BOK: variants seen among roughly 807,000 people sequenced by gnomAD.
BOK encodes BCL2 family apoptosis regulator BOK.
A neutral mutation model predicts 18.3 loss-of-function variants in BOK; 20 were observed. The ratio of observed to expected loss-of-function variants is 1.09; its 90% CI spans 0.77 to 1.59. The LOEUF is 1.59. Among genes scored for constraint, BOK ranks in the 40% most tolerant of loss-of-function variants. The probability of loss-of-function intolerance (pLI) is 0.00; values close to 1 mark genes in which losing one functional copy is unlikely to be tolerated. For synonymous variants in BOK, 173 were observed against 142.4 expected (o/e 1.21, Z -1.53); for missense variants, 348 against 307.9 (o/e 1.13, Z -0.97).
At chr2:241,559,344 G>T in intron 1 of BOK, 111 bp from the exon 2 acceptor site, 2 of 553,966 alleles carry the variant, frequency 3.6e-6, no homozygotes, top group South Asian at 1.5e-4. Flanking sequence ...AAACGAGAGC[G>T]GACCCGGCGC....
upstream of BOK, among the ~76,000 whole-genome samples, chr2:241,558,232 G>T (rs1034069969): frequency 6.6e-6 from 1 of 152,212 alleles, no homozygotes; most frequent in African/African-American, 2.4e-5. Context: ...TAATTAATAT[G>T]TAATCAATCA....
chr2:241,567,917 G>GAA (rs2066641211), intron 3 of BOK, among the ~76,000 whole-genome samples: 3 of 77,222 alleles, frequency 3.9e-5, no homozygotes, highest in Admixed American at 1.3e-4. Context: ...CAGAATGCCT[G>GAA]TGCCCGTGGC....
At position 241,570,171 on chromosome 2, in the gene BOK, G is replaced by A; in HGVS notation, c.396G>A (p.Gly132=). Residue 132 remains glycine (G), a synonymous_variant, in exon 4 of 5, where the codon GGG becomes GGA. Transcript: ENST00000318407. ...KVVSLYAVAA[G]LAVDCVRQAQ... is the part of the protein sequence containing the mutation. ...TGTCCCTGTATGCGGTGGCCGCGGGGCTGGCCGTGGACTGTGTGAGGCAGG... is the reference window on the plus strand; with the variant it reads ...TGTCCCTGTATGCGGTGGCCGCGGGACTGGCCGTGGACTGTGTGAGGCAGG... 1 of 1,610,900 alleles carries A rather than the reference G, an allele frequency of 6.2e-7. No individual in the cohort carries two copies. The highest frequency in any genetic ancestry group is 8.5e-7 in the Non-Finnish European group (1 of 1,179,218).
chr2:241,560,267 C>T (rs1489127917), intron 2 of BOK: 1 of 985,110 alleles, frequency 1.0e-6, no homozygotes, highest in East Asian at 1.1e-4. Flanking sequence ...TCTCCAAGGT[C>T]TGGACCCAAG....
rs2066758216 is a variant in BOK, at chr2:241,573,676, G to T, written c.*1254G>T. 6.6e-6 allele frequency: 1 copy of T among 152,298 alleles called. No homozygotes were observed. Among genetic ancestry groups the T allele is most frequent in the Admixed American group, 6.5e-5 (1 of 15,282 alleles). The allele number at this position is 152,298 out of a possible 1,614,324, so 9.4% of individuals were successfully genotyped here. A position where few individuals can be genotyped will look rare whatever the true frequency, so the allele number is the denominator to read the frequency against. On this transcript the variant is annotated 3_prime_UTR_variant, in exon 5 of 5. Transcript: ENST00000318407. The stretch of plus-strand genomic sequence containing the variant: ...GGAATGTTGCATGAGTCGGATCCCA[G>T]TCCATTGTCAGTGGAGGGTGAGGGT...
intron 4 of BOK, among the ~76,000 whole-genome samples, chr2:241,571,939 A>G (rs2066730271): frequency 6.6e-6 from 1 of 152,102 alleles, no homozygotes; most frequent in Admixed American, 6.5e-5. Context: ...CCTGGGGGGC[A>G]GCAGGCAGGT....
chr2:241,557,601 T>G (rs1336693182), upstream of BOK, among the ~76,000 whole-genome samples: 3 of 152,162 alleles, frequency 2.0e-5, no homozygotes, highest in African/African-American at 7.2e-5. Context: ...TCTGAGTCAT[T>G]TCACCTGGCC....
intron 3 of BOK, among the ~76,000 whole-genome samples, chr2:241,563,465 T>C (rs887561365): frequency 1.3e-5 from 2 of 152,198 alleles, no homozygotes; most frequent in Non-Finnish European, 2.9e-5. Context: ...ACCTCCCTGA[T>C]TGGCACATTC....
intron 4 of BOK, among the ~76,000 whole-genome samples, chr2:241,571,714 C>G (rs564867400): frequency 6.6e-6 from 1 of 152,338 alleles, no homozygotes; most frequent in South Asian, 2.1e-4. Flanking sequence ...CAGGGAAAAG[C>G]CTTCATGTAT....
At chr2:241,564,330 T>G (rs994075645) in intron 3 of BOK, among the ~76,000 whole-genome samples, 3 of 152,134 alleles carry the variant, frequency 2.0e-5, no homozygotes, top group African/African-American at 4.8e-5. Flanking sequence ...CGGGCGAGAC[T>G]CCCTGTCTGG....
At chr2:241,558,080 CTT>C (rs1486143598), upstream of BOK, among the ~76,000 whole-genome samples, 3 of 152,026 alleles carry the variant, frequency 2.0e-5, no homozygotes, top group Admixed American at 6.6e-5. Context: ...CACACACACT[CTT>C]CAGCTGATTT....
chr2:241,560,809 A>T (rs2066516744), intron 2 of BOK, among the ~76,000 whole-genome samples: 1 of 152,104 alleles, frequency 6.6e-6, no homozygotes, highest in African/African-American at 2.4e-5. Context: ...TTCTGAAAAG[A>T]TGATGCCAGA....
Position 241,562,306 on chromosome 2 carries a change from T to C in BOK, c.221-42T>C. 6.4e-7 allele frequency: 1 copy of C among 1,550,846 alleles called. No individual in the cohort carries two copies. The highest frequency in any genetic ancestry group is 8.7e-7 in the Non-Finnish European group (1 of 1,148,256). ...CCAAGCCAGTCGTGTCCCAGGAAGC[T>C]GGGACGTGGGCTGCCTCTCACCTGC... On this transcript the variant is annotated intron_variant, in intron 2 of 4. Transcript: ENST00000318407. The surrounding 1 kb of genome is among the most constrained non-coding windows in gnomAD (Gnocchi z 4.5).
chr2:241,569,187 C>T (rs542224945), intron 3 of BOK, among the ~76,000 whole-genome samples: 1 of 152,186 alleles, frequency 6.6e-6, no homozygotes, highest in African/African-American at 2.4e-5. Context: ...CTGGAGTGTA[C>T]TGGCGCGATC....
upstream of BOK, among the ~76,000 whole-genome samples, chr2:241,555,416 C>T (rs1227061825): frequency 6.7e-6 from 1 of 149,838 alleles, no homozygotes; most frequent in Non-Finnish European, 1.5e-5. Context: ...CGTTCTGTTG[C>T]CCAGGCTGGA....
chr2:241,558,360 T>G (rs1453939527), upstream of BOK, among the ~76,000 whole-genome samples: 1 of 152,112 alleles, frequency 6.6e-6, no homozygotes, highest in Non-Finnish European at 1.5e-5. Context: ...TAAGAGTAAC[T>G]CCTGTTCATC....
At chr2:241,564,775 C>A (rs1037084204) in intron 3 of BOK, among the ~76,000 whole-genome samples, 2 of 152,150 alleles carry the variant, frequency 1.3e-5, no homozygotes, top group Non-Finnish European at 2.9e-5. Flanking sequence ...CCGACGCCGG[C>A]GCGTGGGTGG....
intron 1 of BOK, among the ~76,000 whole-genome samples, chr2:241,552,634 C>T (rs1273718511): frequency 1.3e-5 from 2 of 152,210 alleles, no homozygotes; most frequent in Non-Finnish European, 2.9e-5. Flanking sequence ...TGTCTTTTTC[C>T]CTGCAAGTAT....
At chr2:241,559,249 C>G (rs2066485414) in intron 1 of BOK, among the ~76,000 whole-genome samples, 1 of 151,734 alleles carries the variant, frequency 6.6e-6, no homozygotes, top group South Asian at 2.1e-4. Flanking sequence ...CCCCACCGGT[C>G]CCTGGCAGCC....
Sources: allele counts gnomAD v4.1 joint callset (sites outside exome capture counted in the v4.1 genomes callset), GRCh38; gene constraint gnomAD v4.1.1; non-coding constraint Gnocchi (gnomAD v3.1); transcripts MANE v1.5; gene names NCBI Gene and HGNC (gene_info 2026-07-23, HGNC 2026-07-21).